The following CSMD3 variants were observed in gnomAD, a reference collection of about 807,000 sequenced individuals.
The protein encoded by CSMD3 is CUB and sushi domain-containing protein 3.
CSMD3 carries 177 observed loss-of-function variants against 435.2 expected under a neutral mutation model. That is an observed-to-expected ratio of 0.41 (90% CI 0.36 to 0.46). The LOEUF is 0.46. Among genes scored for constraint, CSMD3 ranks in the 20% least tolerant of loss-of-function variants. CSMD3 has a pLI of 0.34. For missense variants in CSMD3, 4,265 were observed against 4,504.6 expected, an observed-to-expected ratio of 0.95 and a Z score of 1.52; for synonymous variants, 1,656 against 1,520.5, an observed-to-expected ratio of 1.09 and a Z score of -2.07.
intron 4 of CSMD3, among the ~76,000 whole-genome samples, chr8:113,108,719 T>C (rs2090554416): frequency 6.6e-6 from 1 of 152,174 alleles, no homozygotes; most frequent in Non-Finnish European, 1.5e-5. Flanking sequence ...TAAAATACCA[T>C]TTTTAATATA....
At chr8:112,906,250 C>T (rs939131295) in intron 10 of CSMD3, among the ~76,000 whole-genome samples, 4 of 151,218 alleles carry the variant, frequency 2.6e-5, no homozygotes, top group Admixed American at 6.6e-5. Flanking sequence ...GTTCTAGATA[C>T]GTACCTCTAA....
intron 24 of CSMD3, among the ~76,000 whole-genome samples, chr8:112,572,750 T>G (rs553228366): frequency 6.6e-6 from 1 of 152,228 alleles, no homozygotes; most frequent in Non-Finnish European, 1.5e-5. Flanking sequence ...AAGTAACACC[T>G]GTTTTACTCG....
chr8:112,692,268 TA>T, intron 13 of CSMD3, among the ~76,000 whole-genome samples: 1 of 152,110 alleles, frequency 6.6e-6, no homozygotes, highest in East Asian at 1.9e-4. Flanking sequence ...TATTAAAAAA[TA>T]AAATAAATTT....
At chr8:112,415,919 T>A (rs1319342363) in intron 32 of CSMD3, among the ~76,000 whole-genome samples, 2 of 152,218 alleles carry the variant, frequency 1.3e-5, no homozygotes, top group Non-Finnish European at 2.9e-5. Flanking sequence ...CCCCATTGTA[T>A]CTAGGAGATA....
intron 1 of CSMD3, among the ~76,000 whole-genome samples, chr8:113,348,125 C>A (rs1296508445): frequency 6.6e-6 from 1 of 152,070 alleles, no homozygotes; most frequent in Non-Finnish European, 1.5e-5. Context: ...TATGCCAGAC[C>A]ATAATATGCG....
intron 1 of CSMD3, among the ~76,000 whole-genome samples, chr8:113,367,396 AT>A (rs2094319332): frequency 6.6e-6 from 1 of 152,020 alleles, no homozygotes; most frequent in African/African-American, 2.4e-5. Flanking sequence ...ATTTTTTAAT[AT>A]TTTAAGTATT....
At chr8:112,235,414 AAAC>A (rs548386612) in intron 67 of CSMD3, among the ~76,000 whole-genome samples, 15 of 151,986 alleles carry the variant, frequency 9.9e-5, no homozygotes, top group East Asian at 3.9e-4. Context: ...AACAAAAACA[AAAC>A]AACAACAACA....
rs542961520 is a variant in CSMD3, at chr8:112,976,703, T to A, written c.1031-555A>T. Among the ~76,000 whole-genome samples the A allele has an allele frequency of 3.3e-5, 5 of 152,258 alleles. No homozygotes were observed. The East Asian group carries it at 7.7e-4, about 24-fold the overall frequency. On this transcript the variant is annotated intron_variant, in intron 6 of 70. Coordinates refer to ENST00000297405, the MANE Select transcript of CSMD3 (RefSeq NM_198123.2). ...AATAACCACTATATGAAAATGTGTT[T>A]CTTAACCTCATTTGTGATGAGCTAA...
intron 10 of CSMD3, among the ~76,000 whole-genome samples, chr8:112,862,603 A>T (rs1050890457): frequency 2.6e-5 from 4 of 151,840 alleles, no homozygotes; most frequent in South Asian, 2.1e-4. Context: ...TGGTACATTT[A>T]TGTATTATGT....
intron 40 of CSMD3, 115 bp from the exon 41 acceptor site, chr8:112,346,328 T>C (rs936542678): frequency 1.4e-6 from 1 of 735,786 alleles, no homozygotes; most frequent in African/African-American, 1.7e-5. Flanking sequence ...CTGATATAAA[T>C]TTGAATATTG....
At chr8:112,948,531 A>G (rs916954943) in intron 8 of CSMD3, among the ~76,000 whole-genome samples, 1 of 152,024 alleles carries the variant, frequency 6.6e-6, no homozygotes, top group Non-Finnish European at 1.5e-5. Flanking sequence ...CAGAAAGTCA[A>G]AGATGTATTA....
At chr8:112,525,810 A>T (rs1281527237) in intron 27 of CSMD3, among the ~76,000 whole-genome samples, 1 of 119,888 alleles carries the variant, frequency 8.3e-6, no homozygotes, top group Non-Finnish European at 1.7e-5. Context: ...ATATATATAT[A>T]CACACACATA....
chr8:112,661,824 T>A (rs958767234), intron 17 of CSMD3, among the ~76,000 whole-genome samples: 25 of 151,790 alleles, frequency 1.6e-4, no homozygotes, highest in Admixed American at 9.9e-4. Flanking sequence ...TGATAAAAAA[T>A]AATAATAATA....
At chr8:113,218,153 G>A (rs2092927214) in intron 3 of CSMD3, among the ~76,000 whole-genome samples, 1 of 149,348 alleles carries the variant, frequency 6.7e-6, no homozygotes, top group Admixed American at 6.7e-5. Context: ...GCATATTCAA[G>A]TAAGCTCTAA....
chr8:112,886,874 C>T (rs1239733131), intron 10 of CSMD3, among the ~76,000 whole-genome samples: 1 of 151,568 alleles, frequency 6.6e-6, no homozygotes, highest in Non-Finnish European at 1.5e-5. Context: ...AATTGTTATA[C>T]TCTCTTGGTT....
Position 113,414,205 on chromosome 8 carries a change from A to G in CSMD3, c.178+22472T>C, listed in dbSNP as rs552279534. Among the ~76,000 whole-genome samples the G allele has an allele frequency of 2.8e-3, 429 of 152,318 alleles. 2 individuals are homozygous for G. Among genetic ancestry groups the G allele is most frequent in the African/African-American group, 9.8e-3 (409 of 41,564 alleles). On this transcript the variant is annotated intron_variant, in intron 1 of 70. Coordinates refer to ENST00000297405, the MANE Select transcript of CSMD3 (RefSeq NM_198123.2). ...GTATGTAAAATGTGGTGTGGCTTTT[A>G]TGACTGAGGAATTGAATTGTTAATT...
intron 1 of CSMD3, among the ~76,000 whole-genome samples, chr8:113,335,386 A>G (rs2094064750): frequency 6.6e-6 from 1 of 152,006 alleles, no homozygotes; most frequent in Non-Finnish European, 1.5e-5. Flanking sequence ...TACCAGCAGT[A>G]TGTCAATTTT....
At chr8:112,854,207 C>T (rs2080580246) in intron 11 of CSMD3, among the ~76,000 whole-genome samples, 1 of 152,106 alleles carries the variant, frequency 6.6e-6, no homozygotes, top group South Asian at 2.1e-4. Context: ...ATTTTTCTGA[C>T]TAGACCTTGT....
chr8:112,465,783 T>C (rs935882137), intron 32 of CSMD3, among the ~76,000 whole-genome samples: 3 of 152,062 alleles, frequency 2.0e-5, no homozygotes, highest in African/African-American at 7.2e-5. Flanking sequence ...GAGATCAGCC[T>C]GGCCAACATG....
Sources: allele counts gnomAD v4.1 joint callset (sites outside exome capture counted in the v4.1 genomes callset), GRCh38; gene constraint gnomAD v4.1.1; transcripts MANE v1.5; gene names NCBI Gene and HGNC (gene_info 2026-07-23, HGNC 2026-07-21).